CAMK1D: variants seen among roughly 807,000 people sequenced by gnomAD.
CAMK1D encodes calcium/calmodulin dependent protein kinase ID, also known as calcium/calmodulin-dependent protein kinase type 1D.
CAMK1D carries 9 observed loss-of-function variants against 47.7 expected under a neutral mutation model. The ratio of observed to expected loss-of-function variants is 0.19; its 90% CI spans 0.11 to 0.33. The LOEUF is 0.33. Ranked by LOEUF, CAMK1D falls within the 10% of genes least tolerant of loss-of-function variation. The probability of loss-of-function intolerance (pLI) is 1.00; values close to 1 mark genes in which losing one functional copy is unlikely to be tolerated. For synonymous variants in CAMK1D, 184 were observed against 184.9 expected (o/e 0.99, Z 0.04); for missense variants, 291 against 488.7 (o/e 0.60, Z 3.81).
intron 1 of CAMK1D, among the ~76,000 whole-genome samples, chr10:12,468,066 T>C (rs1833642807): frequency 1.3e-5 from 2 of 152,234 alleles, no homozygotes; most frequent in African/African-American, 4.8e-5. Context: ...TTTTAATTTT[T>C]ATGTTTTGAG....
At chr10:12,560,602 T>G (rs2132289330) in intron 2 of CAMK1D, among the ~76,000 whole-genome samples, 1 of 151,372 alleles carries the variant, frequency 6.6e-6, no homozygotes, top group South Asian at 2.1e-4. Context: ...AAGAAATTCA[T>G]TGATTGGGGC....
intron 6 of CAMK1D, among the ~76,000 whole-genome samples, chr10:12,809,764 G>C (rs1832522833): frequency 6.6e-6 from 1 of 152,164 alleles, no homozygotes; most frequent in South Asian, 2.1e-4. Context: ...TAATCACTGG[G>C]TATACAGTTT....
At chr10:12,707,749 C>G (rs528745794) in intron 3 of CAMK1D, among the ~76,000 whole-genome samples, 1 of 152,304 alleles carries the variant, frequency 6.6e-6, no homozygotes, top group South Asian at 2.1e-4. Flanking sequence ...TTTGAGGAAG[C>G]ATGGCATAGC....
chr10:12,751,108 TAAGATAAGATAAGATAAG>T, intron 3 of CAMK1D, among the ~76,000 whole-genome samples: 1 of 80,768 alleles, frequency 1.2e-5, no homozygotes, highest in Non-Finnish European at 2.6e-5. Context: ...TAAGATAAGA[TAAGATAAGATAAGATAAG>T]AAGGCTTCAG....
At chr10:12,627,343 C>A (rs1016630653) in intron 2 of CAMK1D, among the ~76,000 whole-genome samples, 2 of 152,072 alleles carry the variant, frequency 1.3e-5, no homozygotes. Context: ...CCTCTGCCTC[C>A]CAAAGTGCTG....
chr10:12,716,003 G>A (rs1369188985), intron 3 of CAMK1D, among the ~76,000 whole-genome samples: 1 of 151,992 alleles, frequency 6.6e-6, no homozygotes, highest in Non-Finnish European at 1.5e-5. Context: ...GAGCCACTGC[G>A]CCCGGCCCAT....
intron 1 of CAMK1D, among the ~76,000 whole-genome samples, chr10:12,372,182 G>A (rs1838025110): frequency 6.6e-6 from 1 of 152,122 alleles, no homozygotes; most frequent in Non-Finnish European, 1.5e-5. Context: ...TGTGATGTTT[G>A]CACAATGACA....
chr10:12,688,866 A>G (rs1029854077), intron 3 of CAMK1D, among the ~76,000 whole-genome samples: 2 of 152,114 alleles, frequency 1.3e-5, no homozygotes, highest in South Asian at 4.1e-4. Flanking sequence ...GTATTTTAGT[A>G]GAGCCAGGGT....
intron 3 of CAMK1D, among the ~76,000 whole-genome samples, chr10:12,745,499 T>C (rs1835628770): frequency 6.6e-6 from 1 of 152,248 alleles, no homozygotes. Flanking sequence ...GAAGAAAGCA[T>C]CTCTATCTAA....
At chr10:12,533,444 A>G (rs1835870683) in intron 1 of CAMK1D, among the ~76,000 whole-genome samples, 1 of 152,146 alleles carries the variant, frequency 6.6e-6, no homozygotes, top group South Asian at 2.1e-4. Context: ...CCCAATCATG[A>G]GTTTATCCTT....
chr10:12,506,620 G>A (rs1308315564), intron 1 of CAMK1D, among the ~76,000 whole-genome samples: 3 of 151,994 alleles, frequency 2.0e-5, no homozygotes, highest in East Asian at 1.9e-4. Flanking sequence ...CCGGGTTCAC[G>A]CCATTCTCCT....
intron 1 of CAMK1D, among the ~76,000 whole-genome samples, chr10:12,388,168 G>C (rs997012736): frequency 1.3e-5 from 2 of 152,122 alleles, no homozygotes; most frequent in Admixed American, 6.6e-5. Flanking sequence ...AAGTACAGGC[G>C]TGTGTGTGCC....
intron 3 of CAMK1D, among the ~76,000 whole-genome samples, chr10:12,669,757 T>A (rs1412179508): frequency 6.6e-6 from 1 of 152,214 alleles, no homozygotes; most frequent in Non-Finnish European, 1.5e-5. Flanking sequence ...TTATATTTTA[T>A]AAAATATCAT....
At chr10:12,806,413 G>T (rs1838733180) in intron 6 of CAMK1D, among the ~76,000 whole-genome samples, 1 of 152,186 alleles carries the variant, frequency 6.6e-6, no homozygotes, top group African/African-American at 2.4e-5. Context: ...GTAGATGCAG[G>T]TCACACCTCC....
intron 2 of CAMK1D, among the ~76,000 whole-genome samples, chr10:12,640,244 T>TAA (rs1839629660): frequency 1.3e-5 from 2 of 152,116 alleles, no homozygotes; most frequent in Non-Finnish European, 2.9e-5. Flanking sequence ...CCCCACCCCT[T>TAA]CTGGTTCAGC....
chr10:12,642,413 G>A (rs751984081), intron 2 of CAMK1D, among the ~76,000 whole-genome samples: 2 of 152,216 alleles, frequency 1.3e-5, no homozygotes, highest in Non-Finnish European at 2.9e-5. Context: ...GTTACACGAT[G>A]GATGATAGCT....
chr10:12,463,331 T>A (rs1833493858), intron 1 of CAMK1D, among the ~76,000 whole-genome samples: 2 of 152,108 alleles, frequency 1.3e-5, no homozygotes, highest in South Asian at 2.1e-4. Flanking sequence ...AGAGACGGGG[T>A]TTCACCTTGT....
chr10:12,618,077 A>AG (rs60302264), intron 2 of CAMK1D, among the ~76,000 whole-genome samples: 152,343 of 152,344 alleles, frequency 1, 76,171 homozygotes, highest in Non-Finnish European at 1. Context: ...TTTTGGATCT[A>AG]GTATTGAGAG....
intron 6 of CAMK1D, among the ~76,000 whole-genome samples, chr10:12,799,226 G>A (rs1838323109): frequency 6.6e-6 from 1 of 152,196 alleles, no homozygotes; most frequent in African/African-American, 2.4e-5. Flanking sequence ...TGCCGTCCAC[G>A]TTCCAAGGGC....
Sources: gnomAD v4.1 joint callset for allele counts (sites outside exome capture counted in the v4.1 genomes callset) on GRCh38, gnomAD v4.1.1 for gene constraint, MANE v1.5 for transcripts, NCBI Gene and HGNC (gene_info 2026-07-23, HGNC 2026-07-21) for gene names.